The following CENPP variants were observed in gnomAD, a reference collection of about 807,000 sequenced individuals.
CENPP encodes centromere protein P.
Under a neutral mutation model 35.6 loss-of-function variants are expected in CENPP, and 24 were observed. The observed-to-expected ratio is 0.67, with a 90% confidence interval of 0.49 to 0.95. The LOEUF (loss-of-function observed/expected upper bound fraction) is 0.95. Among genes scored for constraint, CENPP ranks in the 40% least tolerant of loss-of-function variants. CENPP has a pLI of 0.00. For missense variants in CENPP, 332 were observed against 345.3 expected, an observed-to-expected ratio of 0.96 and a Z score of 0.31; for synonymous variants, 120 against 125.5, an observed-to-expected ratio of 0.96 and a Z score of 0.29.
chr9:92,494,612 T>C (rs1396923823), intron 5 of CENPP, among the ~76,000 whole-genome samples: 2 of 152,190 alleles, frequency 1.3e-5, no homozygotes, highest in African/African-American at 4.8e-5. Context: ...AGAAGTAACA[T>C]TATGGAATAA....
At chr9:92,355,009 G>A (rs1841553598) in intron 4 of CENPP, among the ~76,000 whole-genome samples, 3 of 152,098 alleles carry the variant, frequency 2.0e-5, no homozygotes, top group Admixed American at 2.0e-4. Flanking sequence ...CTACTAATAA[G>A]GGTCCAACAA....
chr9:92,537,209 A>G (rs1000937326), intron 5 of CENPP, among the ~76,000 whole-genome samples: 3 of 152,034 alleles, frequency 2.0e-5, no homozygotes, highest in Non-Finnish European at 2.9e-5. Context: ...AGGGGTCCAA[A>G]TCATTTGGCA....
rs139931633 is a variant in CENPP at position 92,593,657 on chromosome 9, G to A, written c.565-17657G>A. Among the ~76,000 whole-genome samples the A allele has an allele frequency of 3.6e-3, 554 of 152,256 alleles. 3 individuals are homozygous for A. The highest frequency in any genetic ancestry group is 9.1e-3 in the South Asian group (44 of 4,824). The stretch of plus-strand genomic sequence containing the variant: ...TAAGCTGGTTCCTTCCTCCTGCCTG[G>A]GCCAACAATGAAAGCGAACAGTGAT... On this transcript the variant is annotated intron_variant, in intron 5 of 7. Transcript: ENST00000375587. This position sits in a 1 kb window ranked among gnomAD's most constrained non-coding sequence, Gnocchi z 4.1.
chr9:92,572,555 C>T (rs1459376659), intron 5 of CENPP, among the ~76,000 whole-genome samples: 1 of 152,154 alleles, frequency 6.6e-6, no homozygotes, highest in Admixed American at 6.5e-5. Flanking sequence ...GTGAATCTGA[C>T]AATTATGTGT....
At chr9:92,411,740 CTG>C (rs1189874001) in intron 5 of CENPP, among the ~76,000 whole-genome samples, 4 of 152,222 alleles carry the variant, frequency 2.6e-5, no homozygotes, top group Non-Finnish European at 4.4e-5. Context: ...ATCTCTTAAA[CTG>C]TGCAAGAAGT....
chr9:92,562,207 CT>C (rs1403227581), intron 5 of CENPP, among the ~76,000 whole-genome samples: 74 of 131,442 alleles, frequency 5.6e-4, no homozygotes, highest in South Asian at 2.2e-3. Context: ...TTTTTCTTTT[CT>C]TTTTTTTTTT....
At chr9:92,581,196 GATAC>G (rs2131366688) in intron 5 of CENPP, among the ~76,000 whole-genome samples, 1 of 152,186 alleles carries the variant, frequency 6.6e-6, no homozygotes, top group South Asian at 2.1e-4. Flanking sequence ...TAAATATCAA[GATAC>G]TTACTACTTT....
intron 5 of CENPP, chr9:92,389,859 A>C (rs759672014): frequency 6.3e-7 from 1 of 1,598,918 alleles, no homozygotes; most frequent in Middle Eastern, 1.7e-4. Context: ...CTTACTTTGA[A>C]TGCATTTGCT....
At chr9:92,434,758 C>G (rs1844205564) in intron 5 of CENPP, among the ~76,000 whole-genome samples, 1 of 152,012 alleles carries the variant, frequency 6.6e-6, no homozygotes, top group Admixed American at 6.6e-5. Flanking sequence ...AAAAAGTTTT[C>G]TGGGCAAGAT....
At chr9:92,430,138 A>G (rs72752479) in intron 5 of CENPP, among the ~76,000 whole-genome samples, 4,710 of 152,244 alleles carry the variant, frequency 0.031, 113 homozygotes, top group South Asian at 0.084. Flanking sequence ...GATCTGGTGG[A>G]TTAAAATGGT....
intron 5 of CENPP, chr9:92,474,770 TCA>T (rs2131084834): frequency 6.2e-7 from 1 of 1,613,180 alleles, no homozygotes; most frequent in Admixed American, 1.7e-5. Context: ...ATCATCATCA[TCA>T]TCATCATCAT....
chr9:92,449,437 CAAAAAAAAAAAAAAAAAAAAA>C (rs56218626), intron 5 of CENPP, among the ~76,000 whole-genome samples: 59 of 54,960 alleles, frequency 1.1e-3, no homozygotes, highest in South Asian at 8.9e-4. Flanking sequence ...ACTCTATCTC[CAAAAAAAAAAAAAAAAAAAAA>C]AAAAAAAAAA....
chr9:92,370,800 A>G (rs577192039), intron 4 of CENPP, among the ~76,000 whole-genome samples: 1 of 152,214 alleles, frequency 6.6e-6, no homozygotes, highest in African/African-American at 2.4e-5. Context: ...TTGTTGATTC[A>G]ATCTCACTAC....
chr9:92,468,423 A>G (rs1294231659), intron 5 of CENPP, among the ~76,000 whole-genome samples: 1 of 152,174 alleles, frequency 6.6e-6, no homozygotes, highest in East Asian at 1.9e-4. Flanking sequence ...TGAGAAGAGC[A>G]TAGCCATTCA....
intron 5 of CENPP, among the ~76,000 whole-genome samples, chr9:92,557,442 C>A (rs1467880171): frequency 6.6e-6 from 1 of 152,154 alleles, no homozygotes; most frequent in Non-Finnish European, 1.5e-5. Context: ...TTCTCTTCTT[C>A]CTCAGGAACA....
At chr9:92,512,930 G>A (rs928366477) in intron 5 of CENPP, among the ~76,000 whole-genome samples, 1 of 152,188 alleles carries the variant, frequency 6.6e-6, no homozygotes, top group Admixed American at 6.5e-5. Context: ...TCCTGAGCAT[G>A]AGAGGAGTTC....
intron 4 of CENPP, among the ~76,000 whole-genome samples, chr9:92,348,370 TCTTC>T (rs1290447701): frequency 6.6e-6 from 1 of 151,950 alleles, no homozygotes; most frequent in Admixed American, 6.6e-5. Flanking sequence ...CTATGCTCCT[TCTTC>T]CTTAAGAACT....
rs748686870 is a variant in CENPP, at chr9:92,457,398, T to C, written c.564+77539T>C. 6.2e-6 allele frequency: 10 copies of C among 1,613,706 alleles called. No homozygotes were observed. The East Asian group carries it at 1.6e-4, about 25-fold the overall frequency. On this transcript the variant is annotated intron_variant, in intron 5 of 7. Coordinates refer to ENST00000375587, the MANE Select transcript of CENPP (RefSeq NM_001012267.3). ...GGGTTGTTGAATAAACTTATTGCAC[T>C]GTATAAAGATTTCTTCATCTTTGGC...
intron 5 of CENPP, among the ~76,000 whole-genome samples, chr9:92,388,011 G>T (rs1842505079): frequency 6.6e-6 from 1 of 151,866 alleles, no homozygotes; most frequent in South Asian, 2.1e-4. Context: ...CAATCTGCCC[G>T]CCTTGGCCTC....
Sources: gnomAD v4.1 joint callset for allele counts (sites outside exome capture counted in the v4.1 genomes callset) on GRCh38, gnomAD v4.1.1 for gene constraint, Gnocchi (gnomAD v3.1) non-coding constraint, MANE v1.5 for transcripts, NCBI Gene and HGNC (gene_info 2026-07-23, HGNC 2026-07-21) for gene names.